Variants in RNF144A observed in about 807,000 individuals in gnomAD.
RNF144A encodes the protein E3 ubiquitin-protein ligase RNF144A.
RNF144A carries 11 observed loss-of-function variants against 38.7 expected under a neutral mutation model. The ratio of observed to expected loss-of-function variants is 0.28; its 90% CI spans 0.18 to 0.47. RNF144A has a LOEUF of 0.47. Among genes scored for constraint, RNF144A ranks in the 20% least tolerant of loss-of-function variants. The pLI is 0.99. For synonymous variants in RNF144A, 149 were observed against 143.9 expected, an observed-to-expected ratio of 1.04 and a Z score of -0.25; for missense variants, 316 against 377.2, an observed-to-expected ratio of 0.84 and a Z score of 1.34.
At chr2:6,924,375 A>G (rs1419358895) in intron 1 of RNF144A, among the ~76,000 whole-genome samples, 2 of 152,240 alleles carry the variant, frequency 1.3e-5, no homozygotes, top group African/African-American at 4.8e-5. Flanking sequence ...AGGGAGATGC[A>G]TAATGTGGAA....
intron 3 of RNF144A, among the ~76,000 whole-genome samples, chr2:7,013,133 T>A (rs569707459): frequency 3.9e-5 from 6 of 152,348 alleles, no homozygotes; most frequent in African/African-American, 1.4e-4. Context: ...ATTACCAGTT[T>A]AGATCAAATT....
At chr2:6,995,874 C>T (rs776173337) in intron 2 of RNF144A, among the ~76,000 whole-genome samples, 9 of 152,176 alleles carry the variant, frequency 5.9e-5, no homozygotes. Context: ...GTGTTAACCA[C>T]CACAGGGAGG....
rs374617190 is a variant in RNF144A, at chr2:7,067,667, G to A, written c.735-549G>A. Among the ~76,000 whole-genome samples the A allele has an allele frequency of 8.1e-4, 124 of 152,170 alleles. 1 individual carries two copies. In the Middle Eastern group the frequency reaches 0.014, roughly 17 times the overall value. ...CCACATGAGAAAATGGAGTTACAGC[G>A]TTCAAAAGAAAGAAGAATGTCTCTC... On this transcript the variant is annotated intron_variant, in intron 6 of 6. Coordinates refer to the RNF144A transcript ENST00000432850.
intron 1 of RNF144A, among the ~76,000 whole-genome samples, chr2:6,921,558 A>G (rs550620653): frequency 1.3e-3 from 205 of 152,332 alleles, no homozygotes; most frequent in African/African-American, 4.7e-3. Context: ...CATCGCACAC[A>G]CGTCGTCAAT....
intron 5 of RNF144A, among the ~76,000 whole-genome samples, chr2:7,017,353 TTAAA>T (rs1671210299): frequency 6.6e-6 from 1 of 150,482 alleles, no homozygotes; most frequent in Admixed American, 6.6e-5. Context: ...CTCAGAGAGA[TTAAA>T]TAATACGATG....
Position 6,962,549 on chromosome 2 carries a change from C to A in RNF144A, c.-12+21402C>A, listed in dbSNP as rs961788559. Among the ~76,000 whole-genome samples the A allele has an allele frequency of 6.6e-6, 1 of 152,190 alleles. No individual in the cohort carries two copies. The highest frequency in any genetic ancestry group is 2.4e-5 in the African/African-American group (1 of 41,430). ...CATAATTTCTTTCTACCTCCCATAT[C>A]AAAACTTTGTGCTATTTAGCCTTCT... On this transcript the variant is annotated intron_variant, in intron 2 of 8. Coordinates refer to ENST00000320892, the MANE Select transcript of RNF144A (RefSeq NM_014746.6). The surrounding 1 kb of genome is among the most constrained non-coding windows in gnomAD (Gnocchi z 4.1).
chr2:6,973,208 G>C (rs962079178), intron 2 of RNF144A, among the ~76,000 whole-genome samples: 5 of 152,276 alleles, frequency 3.3e-5, no homozygotes, highest in African/African-American at 1.2e-4. Flanking sequence ...GTCCGAGCTG[G>C]GGTTCAAACT....
intron 2 of RNF144A, among the ~76,000 whole-genome samples, chr2:6,986,580 A>G (rs900500759): frequency 6.6e-6 from 1 of 152,132 alleles, no homozygotes; most frequent in Non-Finnish European, 1.5e-5. Flanking sequence ...TCTTTGTTGA[A>G]CAGAGTGTGA....
chr2:6,934,792 C>T (rs1665461313), intron 1 of RNF144A, among the ~76,000 whole-genome samples: 1 of 152,194 alleles, frequency 6.6e-6, no homozygotes, highest in Non-Finnish European at 1.5e-5. Flanking sequence ...AGAGCAGGAG[C>T]TCTGCAGCTG....
chr2:7,002,095 A>T (rs1392401544), intron 3 of RNF144A, among the ~76,000 whole-genome samples: 1 of 152,294 alleles, frequency 6.6e-6, no homozygotes, highest in Non-Finnish European at 1.5e-5. Flanking sequence ...TAAGCTTCTG[A>T]TTGTGTAACA....
At chr2:6,928,207 T>C (rs1395192409) in intron 1 of RNF144A, among the ~76,000 whole-genome samples, 1 of 152,248 alleles carries the variant, frequency 6.6e-6, no homozygotes, top group Non-Finnish European at 1.5e-5. Flanking sequence ...TTTGGGCCTT[T>C]TTAAAAAAAT....
intron 2 of RNF144A, among the ~76,000 whole-genome samples, chr2:6,995,164 C>T (rs1008027740): frequency 1.4e-4 from 22 of 152,152 alleles, no homozygotes; most frequent in Admixed American, 6.5e-4. Flanking sequence ...CGCAGTGACA[C>T]CCAGTGAGGT....
At chr2:7,006,794 CCA>C (rs1670471988) in intron 3 of RNF144A, among the ~76,000 whole-genome samples, 1 of 152,150 alleles carries the variant, frequency 6.6e-6, no homozygotes, top group African/African-American at 2.4e-5. Flanking sequence ...TTACCTTCTT[CCA>C]CCCTCTGACA....
At chr2:6,997,504 A>G (rs79176927) in intron 3 of RNF144A, among the ~76,000 whole-genome samples, 2,878 of 152,318 alleles carry the variant, frequency 0.019, 106 homozygotes, top group African/African-American at 0.066. Flanking sequence ...TAGAATATAG[A>G]TATTTTAAAA....
rs1672083712 is a variant in RNF144A at position 7,028,700 on chromosome 2, T to C, written c.658-1426T>C. ...ATTAATGTCAGCGCAAAGGAAATTT[T>C]GGTTAAGAGTTCAAGGAGGAGAGAG... On this transcript the variant is annotated intron_variant, in intron 7 of 8. Transcript: ENST00000320892. Among the ~76,000 whole-genome samples, 5 of 152,308 alleles carry C rather than the reference T, an allele frequency of 3.3e-5. No homozygotes were observed. In the South Asian group the frequency reaches 1.0e-3, roughly 32 times the overall value.
Position 6,958,128 on chromosome 2 carries a change from G to A in RNF144A, c.-12+16981G>A, listed in dbSNP as rs560610620. ...GCACACAGTAGTCTGCAGCCAGGCT[G>A]TCATGCGCAGCCACCATGGGGCACC... On this transcript the variant is annotated intron_variant, in intron 2 of 8. Coordinates refer to ENST00000320892, the MANE Select transcript of RNF144A (RefSeq NM_014746.6). This position sits in a 1 kb window ranked among gnomAD's most constrained non-coding sequence, Gnocchi z 4.5. Among the ~76,000 whole-genome samples, 1 of 152,372 alleles carries A rather than the reference G, an allele frequency of 6.6e-6. No homozygotes were observed. The highest frequency in any genetic ancestry group is 2.1e-4 in the South Asian group (1 of 4,830).
At chr2:7,002,831 T>C (rs1430818051) in intron 3 of RNF144A, among the ~76,000 whole-genome samples, 1 of 152,124 alleles carries the variant, frequency 6.6e-6, no homozygotes. Context: ...GAAGAAGGCA[T>C]TGTTGTTAAT....
chr2:7,040,279 TCAA>T lies in RNF144A; in HGVS notation c.*523_*525del. ...TTTTTTTCCAACTGAGTAGTGAAAA[TCAA>T]CAAGGTGCATATAAACCATCCTATG... On this transcript the variant is annotated 3_prime_UTR_variant, in exon 9 of 9. Coordinates refer to ENST00000320892, the MANE Select transcript of RNF144A (RefSeq NM_014746.6). 1 of 985,660 alleles carries T rather than the reference TCAA, an allele frequency of 1.0e-6. No individual in the cohort carries two copies. Among genetic ancestry groups the T allele is most frequent in the Non-Finnish European group, 1.2e-6 (1 of 830,122 alleles). 61.1% of individuals were successfully genotyped at this position (985,660 alleles called of 1,614,324 possible).
downstream of RNF144A, among the ~76,000 whole-genome samples, chr2:7,072,666 G>C (rs748349767): frequency 6.6e-6 from 1 of 152,214 alleles, no homozygotes; most frequent in Non-Finnish European, 1.5e-5. Context: ...GTTAGTGTCT[G>C]TTTGAAGGCA....
Sources: gnomAD v4.1 joint callset for allele counts (sites outside exome capture counted in the v4.1 genomes callset) on GRCh38, gnomAD v4.1.1 for gene constraint, Gnocchi (gnomAD v3.1) non-coding constraint, MANE v1.5 for transcripts, NCBI Gene and HGNC (gene_info 2026-07-23, HGNC 2026-07-21) for gene names.